The following SH3YL1 variants were observed in gnomAD, a reference collection of about 807,000 sequenced individuals.
The protein encoded by SH3YL1 is SH3 and SYLF domain containing 1.
Under a neutral mutation model 45.8 loss-of-function variants are expected in SH3YL1, and 41 were observed. That is an observed-to-expected ratio of 0.89 (90% confidence interval 0.70 to 1.16). SH3YL1 has a LOEUF of 1.16. SH3YL1 is among the 50% of genes most tolerant of loss of function. The pLI is 0.00. For missense variants in SH3YL1, 389 were observed against 409.6 expected (o/e 0.95, Z 0.43); for synonymous variants, 152 against 151.4 (o/e 1.00, Z -0.03).
chr2:247,464 TCA>T, intron 4 of SH3YL1, 72 bp downstream of exon 4: 1 of 1,211,542 alleles, frequency 8.3e-7, no homozygotes, highest in Non-Finnish European at 1.2e-6. Context: ...AGGAAACCTC[TCA>T]GTTTTCACAG....
At chr2:237,490 G>A (rs1668360493) in intron 4 of SH3YL1, among the ~76,000 whole-genome samples, 2 of 151,966 alleles carry the variant, frequency 1.3e-5, no homozygotes, top group African/African-American at 4.8e-5. Context: ...TGGAGGAGCT[G>A]AACAACACAT....
upstream of SH3YL1, chr2:264,278 C>A (rs971278588): frequency 1.0e-5 from 4 of 382,572 alleles, no homozygotes; most frequent in Non-Finnish European, 1.4e-5. Flanking sequence ...TCTCAGGGAG[C>A]GCCCAGGCCC....
chr2:254,686 T>C (rs905011525), intron 1 of SH3YL1, among the ~76,000 whole-genome samples: 2 of 152,222 alleles, frequency 1.3e-5, no homozygotes, highest in Non-Finnish European at 2.9e-5. Flanking sequence ...CCTCCCATTT[T>C]ATTCCTAAAA....
intron 4 of SH3YL1, 123 bp downstream of exon 4, chr2:247,415 C>A: frequency 1.5e-6 from 1 of 648,590 alleles, no homozygotes; most frequent in African/African-American, 1.9e-5. Flanking sequence ...ATAAAGGAAA[C>A]AATTTTTCCT....
rs36216557 is a variant in SH3YL1, at chr2:262,490, G to T, written c.1+1494C>A. Reference sequence around the variant, plus strand: ...TCTCCAACTGAAGAGTGTGATCTTGGTACAGAGCAGTTCCACACATGCCAC... The same window carrying T: ...TCTCCAACTGAAGAGTGTGATCTTGTTACAGAGCAGTTCCACACATGCCAC... On this transcript the variant is annotated intron_variant, in intron 1 of 9. Transcript: ENST00000356150. The T allele has an allele frequency of 1.9e-3, 1,603 of 849,276 alleles. 49 individuals are homozygous for T. The East Asian group carries it at 0.073, about 39-fold the overall frequency. The allele number at this position is 849,276 out of a possible 1,614,324, so 52.6% of individuals were successfully genotyped here. A position where few individuals can be genotyped will look rare whatever the true frequency, so the allele number is the denominator to read the frequency against.
intron 4 of SH3YL1, chr2:242,814 A>G (rs1438547666): frequency 6.5e-7 from 1 of 1,535,456 alleles, no homozygotes; most frequent in East Asian, 2.5e-5. Context: ...ATTGACAGTA[A>G]AAGGATGGAG....
chr2:224,077 C>G (rs1667691806), intron 9 of SH3YL1, among the ~76,000 whole-genome samples: 1 of 152,154 alleles, frequency 6.6e-6, no homozygotes, highest in Non-Finnish European at 1.5e-5. Flanking sequence ...GTTTAATTCT[C>G]CGACAGTTTT....
At chr2:242,741 C>G (rs1668597956) in intron 4 of SH3YL1, 5 of 1,481,594 alleles carry the variant, frequency 3.4e-6, no homozygotes, top group Non-Finnish European at 4.5e-6. Context: ...ATAACAACAA[C>G]AACAACAACA....
At chr2:229,854 G>T in intron 8 of SH3YL1, 112 bp downstream of exon 8, 3 of 729,380 alleles carry the variant, frequency 4.1e-6, no homozygotes. Context: ...TCTTAAATAT[G>T]TTAGTTCTTC....
chr2:253,506 A>G (rs990291921), intron 1 of SH3YL1, among the ~76,000 whole-genome samples: 1 of 152,236 alleles, frequency 6.6e-6, no homozygotes, highest in Non-Finnish European at 1.5e-5. Context: ...GCGCCATGAC[A>G]GTTTACAAAT....
intron 4 of SH3YL1, among the ~76,000 whole-genome samples, chr2:246,055 T>C (rs1422961818): frequency 6.6e-6 from 1 of 151,450 alleles, no homozygotes; most frequent in East Asian, 1.9e-4. Context: ...ATTAGCTGGG[T>C]GTGGTGGTGC....
At chr2:239,913 C>T (rs1668469357) in intron 4 of SH3YL1, 1 of 152,270 alleles carries the variant, frequency 6.6e-6, no homozygotes, top group African/African-American at 2.4e-5. Context: ...TGAGCTATAA[C>T]CTGTGCCCCG....
At chr2:262,595 G>A (rs970904424) in intron 1 of SH3YL1, 3 of 1,304,068 alleles carry the variant, frequency 2.3e-6, no homozygotes, top group Non-Finnish European at 3.0e-6. Flanking sequence ...TTAGGTCTCA[G>A]AGCAGAGAAT....
chr2:243,657 C>T (rs1668646409), intron 4 of SH3YL1: 1 of 1,365,784 alleles, frequency 7.3e-7, no homozygotes, highest in Admixed American at 3.0e-5. Context: ...AACAGCCTTG[C>T]TTGGACCTTT....
intron 9 of SH3YL1, among the ~76,000 whole-genome samples, chr2:223,841 A>T (rs928468340): frequency 1.3e-5 from 2 of 152,212 alleles, no homozygotes; most frequent in Non-Finnish European, 2.9e-5. Flanking sequence ...GCAGATGCTC[A>T]ACCCCCTCGG....
intron 7 of SH3YL1, chr2:230,546 C>A: frequency 5.2e-6 from 1 of 191,474 alleles, no homozygotes; most frequent in South Asian, 1.0e-4. Context: ...TAAGGTCTTA[C>A]TCTGTTGCCT....
At position 218,887 on chromosome 2, in the gene SH3YL1, G is replaced by A. The variant is rs1667462705; in HGVS notation, c.953C>T (p.Ser318Leu). The change falls in exon 10 of 10, where the codon TCA (serine) becomes TTA (leucine). Residue 318 changes from serine (S) to leucine (L), a missense_variant. Ser to Leu is a moderately radical substitution (Grantham distance 145). Coordinates refer to ENST00000356150, the MANE Select transcript of SH3YL1 (RefSeq NM_015677.4). ...TTTTCCTTCCCACCAATCAAAATGT[G>A]AATCTGTTTTTGATATAACTGTGAT... The part of the protein sequence containing the change: ...DRITVISKTD[S>L]HFDWWEGKLR... The A allele has an allele frequency of 1.9e-6, 3 of 1,614,066 alleles. No individual in the cohort carries two copies. The highest frequency in any genetic ancestry group is 2.7e-5 in the African/African-American group (2 of 75,026).
At chr2:258,714 C>G (rs1427256208) in intron 1 of SH3YL1, among the ~76,000 whole-genome samples, 1 of 152,154 alleles carries the variant, frequency 6.6e-6, no homozygotes, top group African/African-American at 2.4e-5. Flanking sequence ...CCCTTCTGGG[C>G]TCTCTCCTGG....
At chr2:219,800 T>C (rs957339804) in intron 9 of SH3YL1, among the ~76,000 whole-genome samples, 4 of 152,144 alleles carry the variant, frequency 2.6e-5, no homozygotes, top group African/African-American at 9.7e-5. Context: ...AGCAGACATT[T>C]CTTCTCCCTG....
Sources: allele counts gnomAD v4.1 joint callset (sites outside exome capture counted in the v4.1 genomes callset), GRCh38; gene constraint gnomAD v4.1.1; transcripts MANE v1.5; gene names NCBI Gene and HGNC (gene_info 2026-07-23, HGNC 2026-07-21).